Variants in STAC observed in about 807,000 individuals in gnomAD.
STAC encodes the protein SH3 and cysteine-rich domain-containing protein.
STAC carries 43 observed loss-of-function variants against 48.8 expected under a neutral mutation model. The ratio of observed to expected loss-of-function variants is 0.88; its 90% CI spans 0.69 to 1.14. STAC has a LOEUF of 1.14. Ranked by LOEUF, STAC falls within the 50% of genes most tolerant of loss-of-function variation. The pLI is 0.00. For synonymous variants in STAC, 193 were observed against 179.5 expected (o/e 1.07, Z -0.60); for missense variants, 497 against 504.0 (o/e 0.99, Z 0.13).
At chr3:36,430,860 C>G (rs1056095980) in intron 1 of STAC, among the ~76,000 whole-genome samples, 6 of 152,132 alleles carry the variant, frequency 3.9e-5, no homozygotes, top group Admixed American at 2.6e-4. Flanking sequence ...TACAAGGACA[C>G]CAGTCAGATC....
At chr3:36,527,582 A>G (rs2125731114) in intron 8 of STAC, among the ~76,000 whole-genome samples, 1 of 152,334 alleles carries the variant, frequency 6.6e-6, no homozygotes, top group East Asian at 1.9e-4. Context: ...GTAAGTGTGT[A>G]AGAAAGACAA....
At chr3:36,393,660 G>A (rs1699797429) in intron 1 of STAC, among the ~76,000 whole-genome samples, 1 of 149,796 alleles carries the variant, frequency 6.7e-6, no homozygotes, top group African/African-American at 2.5e-5. Context: ...ACAGACAAGA[G>A]AGAGCTTCCT....
chr3:36,418,818 C>G (rs1034085098), intron 1 of STAC, among the ~76,000 whole-genome samples: 4 of 151,916 alleles, frequency 2.6e-5, no homozygotes, highest in Admixed American at 2.0e-4. Context: ...GAGGCCGAGG[C>G]GGGCAGATCA....
At chr3:36,434,629 G>A (rs1017523512) in intron 1 of STAC, among the ~76,000 whole-genome samples, 39 of 152,198 alleles carry the variant, frequency 2.6e-4, no homozygotes, top group African/African-American at 1.7e-4. Flanking sequence ...CTAATTTACC[G>A]CCTGTGTGGG....
intron 1 of STAC, 146 bp downstream of exon 1, chr3:36,380,900 G>GGACCCGCCGAGACTTGGACGTCCGGTAA: frequency 1.7e-6 from 1 of 590,622 alleles, no homozygotes; most frequent in Admixed American, 3.3e-5. Context: ...ACGTCCGGTA[G>GGACCCGCCGAGACTTGGACGTCCGGTAA]GACCCGCTGC....
At chr3:36,422,230 T>G (rs1240258744) in intron 1 of STAC, among the ~76,000 whole-genome samples, 1 of 152,184 alleles carries the variant, frequency 6.6e-6, no homozygotes, top group East Asian at 1.9e-4. Flanking sequence ...TTAAGAGTCA[T>G]GTTATTCTTG....
chr3:36,418,364 G>A (rs571289350), intron 1 of STAC, among the ~76,000 whole-genome samples: 1 of 152,138 alleles, frequency 6.6e-6, no homozygotes, highest in South Asian at 2.1e-4. Context: ...AAGAGGATGT[G>A]TGTGTGCATG....
intron 10 of STAC, among the ~76,000 whole-genome samples, chr3:36,529,579 C>G (rs1699017625): frequency 6.6e-6 from 1 of 152,202 alleles, no homozygotes; most frequent in Admixed American, 6.5e-5. Flanking sequence ...GTAGAGTTCT[C>G]TTTGATGCTG....
chr3:36,436,103 G>A (rs1418573873), intron 1 of STAC, among the ~76,000 whole-genome samples: 1 of 152,096 alleles, frequency 6.6e-6, no homozygotes, highest in Non-Finnish European at 1.5e-5. Context: ...CCTTTCCCTG[G>A]AATCCCAGAA....
intron 1 of STAC, among the ~76,000 whole-genome samples, chr3:36,413,122 A>G (rs908401451): frequency 3.3e-5 from 5 of 152,148 alleles, no homozygotes; most frequent in African/African-American, 1.2e-4. Flanking sequence ...GAATAGGTGC[A>G]GTGTGGTGCT....
chr3:36,453,176 C>T (rs1474850075), intron 2 of STAC, among the ~76,000 whole-genome samples: 1 of 152,262 alleles, frequency 6.6e-6, no homozygotes, highest in African/African-American at 2.4e-5. Flanking sequence ...GAGGTGACAG[C>T]GTGCTGGCAG....
chr3:36,425,622 G>A (rs1386944094), intron 1 of STAC, among the ~76,000 whole-genome samples: 2 of 152,234 alleles, frequency 1.3e-5, no homozygotes, highest in African/African-American at 4.8e-5. Flanking sequence ...TCAATTTACT[G>A]TGGTTATACA....
intron 1 of STAC, among the ~76,000 whole-genome samples, chr3:36,408,013 G>C (rs1217968021): frequency 6.6e-6 from 1 of 152,186 alleles, no homozygotes; most frequent in Non-Finnish European, 1.5e-5. Flanking sequence ...AATGTGCTCA[G>C]TAACTAGAGG....
At chr3:36,502,317 T>C (rs546539056) in intron 6 of STAC, among the ~76,000 whole-genome samples, 3 of 152,334 alleles carry the variant, frequency 2.0e-5, no homozygotes, top group African/African-American at 7.2e-5. Flanking sequence ...ATGATATGTT[T>C]TCGGTAGTTA....
intron 8 of STAC, among the ~76,000 whole-genome samples, chr3:36,507,402 G>A (rs537990208): frequency 6.6e-6 from 1 of 152,308 alleles, no homozygotes; most frequent in East Asian, 1.9e-4. Context: ...TCTCTGCCAG[G>A]TTTTGGAATC....
chr3:36,523,432 G>A (rs1457914217), intron 8 of STAC, among the ~76,000 whole-genome samples: 1 of 152,210 alleles, frequency 6.6e-6, no homozygotes, highest in Non-Finnish European at 1.5e-5. Flanking sequence ...GGATTACAAT[G>A]TAAGCAAAAC....
At chr3:36,514,957 G>A (rs1161927130) in intron 8 of STAC, among the ~76,000 whole-genome samples, 1 of 151,928 alleles carries the variant, frequency 6.6e-6, no homozygotes, top group Non-Finnish European at 1.5e-5. Context: ...GGAATTGCTT[G>A]AACCAGGGAG....
chr3:36,388,511 C>A (rs1455460193), intron 1 of STAC, among the ~76,000 whole-genome samples: 3 of 151,802 alleles, frequency 2.0e-5, no homozygotes, highest in African/African-American at 4.8e-5. Context: ...ATTTATTTAG[C>A]TATGTTTTCT....
intron 2 of STAC, among the ~76,000 whole-genome samples, chr3:36,463,636 G>A (rs193200604): frequency 1.4e-4 from 21 of 150,690 alleles, no homozygotes; most frequent in Non-Finnish European, 2.7e-4. Context: ...TCAACATTAG[G>A]TATATCTCCA....
Sources: gnomAD v4.1 joint callset for allele counts (sites outside exome capture counted in the v4.1 genomes callset) on GRCh38, gnomAD v4.1.1 for gene constraint, MANE v1.5 for transcripts, NCBI Gene and HGNC (gene_info 2026-07-23, HGNC 2026-07-21) for gene names.